SNCG: variants seen among roughly 807,000 people sequenced by gnomAD.
SNCG encodes gamma-synuclein.
Under a neutral mutation model 16.0 loss-of-function variants are expected in SNCG, and 13 were observed. That is an observed-to-expected ratio of 0.81 (90% CI 0.53 to 1.29). The LOEUF is 1.29. SNCG is among the 50% of genes most tolerant of loss of function. The pLI is 0.00. For missense variants in SNCG, 154 were observed against 168.5 expected (o/e 0.91, Z 0.48); for synonymous variants, 66 against 66.3 (o/e 1.00, Z 0.02).
chr10:86,957,950 G>A (rs1402926195), upstream of SNCG: 9 of 1,029,744 alleles, frequency 8.7e-6, no homozygotes, highest in African/African-American at 1.5e-4. Flanking sequence ...GCCAGGAAAT[G>A]GGGGGCAATT....
rs1589311225 is a variant in SNCG at position 86,958,748 on chromosome 10, T to G, written c.51T>G (p.Gly17=). 6.2e-7 allele frequency: 1 copy of G among 1,613,498 alleles called. No individual in the cohort carries two copies. The highest frequency in any genetic ancestry group is 8.5e-7 in the Non-Finnish European group (1 of 1,179,834). ...CCATCGCCAAGGAGGGCGTGGTGGG[T>G]GCGGTGGAAAAGACCAAGCAGGGGG... The part of the protein sequence containing the change: ...GFSIAKEGVV[G]AVEKTKQGVT... Residue 17 remains glycine (G), a synonymous_variant, in exon 1 of 5, where the codon GGT becomes GGG. Coordinates refer to ENST00000372017, the MANE Select transcript of SNCG (RefSeq NM_003087.3).
chr10:86,958,206 G>A, upstream of SNCG: 1 of 968,044 alleles, frequency 1.0e-6, no homozygotes, highest in Non-Finnish European at 1.2e-6. Context: ...GGCCTATGTG[G>A]CCCTGACCCC....
rs758124257 is a variant in SNCG at position 86,962,653 on chromosome 10, A to G, written c.341A>G (p.Glu114Gly). 1.1e-5 allele frequency: 17 copies of G among 1,612,818 alleles called. No individual in the cohort carries two copies. The South Asian group carries it at 1.7e-4, about 16-fold the overall frequency. Residue 114 changes from glutamate to glycine, a missense_variant, in exon 4 of 5, where the codon GAG becomes GGG. Transcript: ENST00000372017. The stretch of plus-strand genomic sequence containing the variant: ...CAACAGGAGGGTGAGGCATCCAAAG[A>G]GAAAGAGGAAGTGGCAGAGGAGGTA... ...APQQEGEASK[E>G]KEEVAEEAQS...
intron 3 of SNCG, among the ~76,000 whole-genome samples, chr10:86,961,048 G>A (rs1264606056): frequency 1.3e-5 from 2 of 152,068 alleles, no homozygotes; most frequent in Non-Finnish European, 2.9e-5. Context: ...GGGGTGGGGC[G>A]GGGGAGCAGT....
At chr10:86,958,567 A>G, upstream of SNCG, 2 of 1,467,772 alleles carry the variant, frequency 1.4e-6, no homozygotes, top group Non-Finnish European at 1.8e-6. Flanking sequence ...CTCCGCATCA[A>G]TATTTCATCG....
chr10:86,961,004 T>C (rs1358600997), intron 3 of SNCG, among the ~76,000 whole-genome samples: 1 of 152,036 alleles, frequency 6.6e-6, no homozygotes, highest in Non-Finnish European at 1.5e-5. Flanking sequence ...CCTGTGGCAG[T>C]GTAAGTGGTG....
chr10:86,959,297 A>C lies in SNCG; in HGVS notation c.122-336A>C. On this transcript the variant is annotated intron_variant, in intron 1 of 4. Coordinates refer to ENST00000372017, the MANE Select transcript of SNCG (RefSeq NM_003087.3). This position sits in a 1 kb window ranked among gnomAD's most constrained non-coding sequence, Gnocchi z 4.3. ...TGGCACTCTCCAGAGGAGGAAGGGG[A>C]GGTCAAGCCAATGACTCAGCTCTGG... is the stretch of plus-strand genomic sequence containing the variant. The C allele has an allele frequency of 2.2e-6, 1 of 460,938 alleles. No individual in the cohort carries two copies. The highest frequency in any genetic ancestry group is 3.9e-6 in the Non-Finnish European group (1 of 259,348). The allele number at this position is 460,938 out of a possible 1,614,324, so 28.6% of individuals were successfully genotyped here.
In SNCG at chr10:86,958,789, A is replaced by G. The variant is rs1246415336; in HGVS notation, c.92A>G (p.Glu31Gly). The G allele has an allele frequency of 5.6e-6, 9 of 1,612,296 alleles. No homozygotes were observed. The highest frequency in any genetic ancestry group is 7.6e-6 in the Non-Finnish European group (9 of 1,179,164). The change falls in exon 1 of 5, where the codon GAG (glutamate) becomes GGG (glycine). Residue 31 changes from glutamate (E) to glycine (G), a missense_variant. Glu to Gly is a moderately conservative substitution (Grantham distance 98). Coordinates refer to ENST00000372017, the MANE Select transcript of SNCG (RefSeq NM_003087.3). ...AAGCAGGGGGTGACGGAAGCAGCTG[A>G]GAAGACCAAGGAGGGGGTCATGTAT... ...KTKQGVTEAA[E>G]KTKEGVMYVG...
At chr10:86,957,607 C>T, upstream of SNCG, 8 of 1,511,178 alleles carry the variant, frequency 5.3e-6, no homozygotes, top group East Asian at 6.8e-5. Flanking sequence ...CTGCTAGTGA[C>T]GTTGTCTTCA....
In SNCG at chr10:86,958,837, G is replaced by C; in HGVS notation, c.121+19G>C. On this transcript the variant is annotated intron_variant, in intron 1 of 4. Coordinates refer to ENST00000372017, the MANE Select transcript of SNCG (RefSeq NM_003087.3). ...TATGTGGGTAAGTGGGGCATGGCAG[G>C]GTGGGACAGTGTGGTGGCCAAAGGG... is the stretch of plus-strand genomic sequence containing the variant. The C allele has an allele frequency of 6.3e-7, 1 of 1,590,718 alleles. No homozygotes were observed. Among genetic ancestry groups the C allele is most frequent in the Non-Finnish European group, 8.6e-7 (1 of 1,167,724 alleles).
chr10:86,960,249 A>C (rs1844319970), intron 3 of SNCG, 121 bp downstream of exon 3: 1 of 992,978 alleles, frequency 1.0e-6, no homozygotes, highest in African/African-American at 1.6e-5. Context: ...GGCTGGCTTC[A>C]GTTTCAGTAC....
At chr10:86,957,339 C>A (rs754427781), upstream of SNCG, 3 of 1,607,358 alleles carry the variant, frequency 1.9e-6, no homozygotes, top group Non-Finnish European at 2.6e-6. Flanking sequence ...GGACTCAGAT[C>A]CTACTCCATG....
Position 86,962,636 on chromosome 10 carries a change from G to A in SNCG, c.324G>A (p.Glu108=). The A allele has an allele frequency of 1.2e-6, 2 of 1,613,030 alleles. No individual in the cohort carries two copies. The highest frequency in any genetic ancestry group is 1.7e-6 in the Non-Finnish European group (2 of 1,179,528). The change falls in exon 4 of 5, where the codon GAG becomes GAA. Residue 108 remains glutamate, a synonymous_variant. Coordinates refer to ENST00000372017, the MANE Select transcript of SNCG (RefSeq NM_003087.3). ...EDLRPSAPQQ[E]GEASKEKEEV... is the part of the protein sequence containing the mutation. ...TGAGGCCATCTGCCCCCCAACAGGA[G>A]GGTGAGGCATCCAAAGAGAAAGAGG...
Position 86,959,320 on chromosome 10 carries a change from T to C in SNCG, c.122-313T>C, listed in dbSNP as rs1409723397. On this transcript the variant is annotated intron_variant, in intron 1 of 4. Coordinates refer to ENST00000372017, the MANE Select transcript of SNCG (RefSeq NM_003087.3). This position sits in a 1 kb window ranked among gnomAD's most constrained non-coding sequence, Gnocchi z 4.3. ...GGAGGTCAAGCCAATGACTCAGCTCTGGCCCATCCTGTCCTGTTGCTGCTT... is the reference window on the plus strand; with the variant it reads ...GGAGGTCAAGCCAATGACTCAGCTCCGGCCCATCCTGTCCTGTTGCTGCTT... 1.9e-6 allele frequency: 1 copy of C among 518,490 alleles called. No homozygotes were observed. The highest frequency in any genetic ancestry group is 2.0e-5 in the African/African-American group (1 of 51,096). The allele number at this position is 518,490 out of a possible 1,614,324, so 32.1% of individuals were successfully genotyped here.
At position 86,959,800 on chromosome 10, in the gene SNCG, C is replaced by A. The variant is rs1844308805; in HGVS notation, c.163+126C>A. 2 of 1,249,536 alleles carry A rather than the reference C, an allele frequency of 1.6e-6. No individual in the cohort carries two copies. Among genetic ancestry groups the A allele is most frequent in the Middle Eastern group, 2.0e-4 (1 of 4,968 alleles). 77.4% of individuals were successfully genotyped at this position (1,249,536 alleles called of 1,614,324 possible). A position where few individuals can be genotyped will look rare whatever the true frequency, so the allele number is the denominator to read the frequency against. On this transcript the variant is annotated intron_variant, in intron 2 of 4. Coordinates refer to ENST00000372017, the MANE Select transcript of SNCG (RefSeq NM_003087.3). The surrounding 1 kb of genome is among the most constrained non-coding windows in gnomAD (Gnocchi z 4.3). ...ACTGGGGTCCCAAGCCCTACAGACC[C>A]CTGCAGACCATGAGGCTAAACTAGG...
Position 86,959,871 on chromosome 10 carries a change from CAGAG to C in SNCG, c.164-129_164-126del. 2 of 1,444,848 alleles carry C rather than the reference CAGAG, an allele frequency of 1.4e-6. No individual in the cohort carries two copies. Among genetic ancestry groups the C allele is most frequent in the Non-Finnish European group, 1.9e-6 (2 of 1,071,814 alleles). 89.5% of individuals were successfully genotyped at this position (1,444,848 alleles called of 1,614,324 possible). On this transcript the variant is annotated intron_variant, in intron 2 of 4. Coordinates refer to ENST00000372017, the MANE Select transcript of SNCG (RefSeq NM_003087.3). This position sits in a 1 kb window ranked among gnomAD's most constrained non-coding sequence, Gnocchi z 4.3. ...ACCAGCATCAGAGGTGCCCTGGAGT[CAGAG>C]GGAGCAGGGGAGGGTCCCAGCAGGG... is the stretch of plus-strand genomic sequence containing the variant.
At chr10:86,957,098 C>A (rs570056400), upstream of SNCG, among the ~76,000 whole-genome samples, 1 of 152,232 alleles carries the variant, frequency 6.6e-6, no homozygotes, top group African/African-American at 2.4e-5. Context: ...TCCCCCAGTG[C>A]CCCATGCTGG....
chr10:86,957,746 C>T (rs1037355147), upstream of SNCG: 4 of 1,379,246 alleles, frequency 2.9e-6, no homozygotes, highest in Non-Finnish European at 3.8e-6. Context: ...CCGCCAACCA[C>T]ACAAGCCAGT....
intron 4 of SNCG, 91 bp downstream of exon 4, chr10:86,962,766 A>G: frequency 6.6e-6 from 8 of 1,213,746 alleles, no homozygotes; most frequent in Non-Finnish European, 9.4e-6. Context: ...CTGGGCTCCC[A>G]GGGCCCAGAG....
Sources: allele counts gnomAD v4.1 joint callset (sites outside exome capture counted in the v4.1 genomes callset), GRCh38; gene constraint gnomAD v4.1.1; non-coding constraint Gnocchi (gnomAD v3.1); transcripts MANE v1.5; gene names NCBI Gene and HGNC (gene_info 2026-07-23, HGNC 2026-07-21).